Variants in GLG1 observed in about 807,000 individuals in gnomAD.
GLG1 encodes golgi glycoprotein 1.
In GLG1, 38 loss-of-function variants were observed where a neutral mutation model predicts 160.5. The ratio of observed to expected loss-of-function variants is 0.24; its 90% CI spans 0.18 to 0.31. The LOEUF (loss-of-function observed/expected upper bound fraction) is 0.31, where lower values mean the gene tolerates loss of function less well. GLG1 is among the 10% of genes least tolerant of loss of function. GLG1 has a pLI of 1.00. For missense variants in GLG1, 1,373 were observed against 1,505.2 expected (o/e 0.91, Z 1.45); for synonymous variants, 644 against 543.4 (o/e 1.19, Z -2.57).
At chr16:74,548,610 C>T (rs201429498) in intron 1 of GLG1, among the ~76,000 whole-genome samples, 1,600 of 148,680 alleles carry the variant, frequency 0.011, 5 homozygotes, top group Admixed American at 0.036. Context: ...CAACTTCCTT[C>T]GTGGACAATT....
At chr16:74,545,402 C>T (rs1238486906) in intron 1 of GLG1, among the ~76,000 whole-genome samples, 1 of 152,006 alleles carries the variant, frequency 6.6e-6, no homozygotes, top group African/African-American at 2.4e-5. Context: ...GCTGGTCTCG[C>T]ACTCCTAGGC....
In GLG1 at chr16:74,448,705, T is replaced by C. The variant is rs2014166542; in HGVS notation, c.*4462A>G. ...AGGCAGAAGTTGCAGTGAGCCGAGATTGCGCCACTGCACTCCAGCCTGGGC... is the reference window on the plus strand; with the variant it reads ...AGGCAGAAGTTGCAGTGAGCCGAGACTGCGCCACTGCACTCCAGCCTGGGC... On this transcript the variant is annotated 3_prime_UTR_variant, in exon 26 of 26. Transcript: ENST00000422840. 6.8e-6 allele frequency: 1 copy of C among 146,774 alleles called. No individual in the cohort carries two copies. The allele number at this position is 146,774 out of a possible 1,614,324, so 9.1% of individuals were successfully genotyped here.
At chr16:74,463,566 G>T in intron 19 of GLG1, 87 bp from the exon 20 acceptor site, 1 of 1,307,590 alleles carries the variant, frequency 7.6e-7, no homozygotes, top group Non-Finnish European at 1.1e-6. Flanking sequence ...TGGAGACGGA[G>T]TCTCACCGTG....
intron 8 of GLG1, among the ~76,000 whole-genome samples, chr16:74,488,473 TA>T (rs911270495): frequency 1.3e-5 from 2 of 152,168 alleles, no homozygotes; most frequent in African/African-American, 4.8e-5. Context: ...GCTACTGTAG[TA>T]GAACACTAAG....
intron 7 of GLG1, 117 bp from the exon 8 acceptor site, chr16:74,491,332 TGCTAA>T: frequency 1.3e-6 from 1 of 751,224 alleles, no homozygotes; most frequent in African/African-American, 1.7e-5. Flanking sequence ...CTATCAGACA[TGCTAA>T]CATCTGAAAA....
chr16:74,579,544 A>C (rs1957892277), intron 1 of GLG1, among the ~76,000 whole-genome samples: 1 of 151,494 alleles, frequency 6.6e-6, no homozygotes, highest in African/African-American at 2.4e-5. Flanking sequence ...CAACATGGCA[A>C]AACCCCATCA....
At chr16:74,503,393 T>C in intron 4 of GLG1, 138 bp downstream of exon 4, 2 of 661,752 alleles carry the variant, frequency 3.0e-6, no homozygotes, top group Non-Finnish European at 5.4e-6. Flanking sequence ...CCTTAGCTCT[T>C]AGGGCTGTCT....
chr16:74,495,169 A>G (rs907429509), intron 5 of GLG1, among the ~76,000 whole-genome samples: 3 of 141,182 alleles, frequency 2.1e-5, no homozygotes, highest in African/African-American at 5.3e-5. Context: ...GCTGGAGTGC[A>G]GTGGCACAAT....
intron 1 of GLG1, among the ~76,000 whole-genome samples, chr16:74,604,748 T>C (rs1386260668): frequency 6.6e-6 from 1 of 152,134 alleles, no homozygotes; most frequent in Non-Finnish European, 1.5e-5. Flanking sequence ...CCTTTCGCTG[T>C]CTTTAAAGAA....
intron 20 of GLG1, chr16:74,462,842 T>C: frequency 1.7e-6 from 1 of 575,632 alleles, no homozygotes; most frequent in Non-Finnish European, 3.1e-6. Context: ...TCCTCAGGAA[T>C]CTTTCTACTC....
chr16:74,470,209 A>C (rs2015147041), intron 15 of GLG1, 136 bp from the exon 16 acceptor site: 1 of 663,034 alleles, frequency 1.5e-6, no homozygotes, highest in Non-Finnish European at 2.7e-6. Flanking sequence ...GTGAGACATC[A>C]CGACCTGCTC....
intron 25 of GLG1, among the ~76,000 whole-genome samples, chr16:74,454,113 T>C (rs1339756542): frequency 6.6e-6 from 1 of 151,992 alleles, no homozygotes; most frequent in Admixed American, 6.5e-5. Flanking sequence ...GACCTCGTGA[T>C]CCGCCCACCT....
chr16:74,554,655 G>C (rs2018303510), intron 1 of GLG1, among the ~76,000 whole-genome samples: 1 of 152,198 alleles, frequency 6.6e-6, no homozygotes, highest in South Asian at 2.1e-4. Context: ...AAAATGAACA[G>C]CCAAGAAAAG....
At chr16:74,550,040 T>C (rs2018155804) in intron 1 of GLG1, among the ~76,000 whole-genome samples, 1 of 152,232 alleles carries the variant, frequency 6.6e-6, no homozygotes, top group Non-Finnish European at 1.5e-5. Context: ...CTGCTTGAGC[T>C]GGGGAAAGTT....
chr16:74,467,714 T>G, intron 18 of GLG1, 42 bp downstream of exon 18: 1 of 1,227,958 alleles, frequency 8.1e-7, no homozygotes, highest in Non-Finnish European at 1.2e-6. Context: ...AATATTACCT[T>G]CACATTACTT....
At position 74,447,699 on chromosome 16, in the gene GLG1, G is replaced by A. The variant is rs2014122033; in HGVS notation, c.*5468C>T. The A allele has an allele frequency of 6.6e-6, 1 of 152,266 alleles. No homozygotes were observed. The highest frequency in any genetic ancestry group is 2.4e-5 in the African/African-American group (1 of 41,474). 9.4% of individuals were successfully genotyped at this position (152,266 alleles called of 1,614,324 possible). On this transcript the variant is annotated 3_prime_UTR_variant, in exon 26 of 26. Transcript: ENST00000422840. ...GATCTCACACAGCATTTGCTGTACA[G>A]ACTGTTTTCCGGATGGACTGGTTTG...
At chr16:74,597,628 C>A (rs151222429) in intron 1 of GLG1, among the ~76,000 whole-genome samples, 1 of 151,718 alleles carries the variant, frequency 6.6e-6, no homozygotes, top group Non-Finnish European at 1.5e-5. Context: ...CCGAAGCTGG[C>A]GGATAACGAG....
chr16:74,488,362 C>T (rs1205554032), intron 8 of GLG1, among the ~76,000 whole-genome samples: 4 of 152,004 alleles, frequency 2.6e-5, no homozygotes, highest in Admixed American at 6.6e-5. Flanking sequence ...GGCAACACGG[C>T]GAGACCCCAT....
intron 7 of GLG1, 59 bp downstream of exon 7, chr16:74,492,898 T>C (rs2016053377): frequency 3.8e-6 from 4 of 1,043,418 alleles, no homozygotes; most frequent in Non-Finnish European, 4.1e-6. Context: ...TATAAAGCTT[T>C]AGAGTGTGAA....
Sources: allele counts gnomAD v4.1 joint callset (sites outside exome capture counted in the v4.1 genomes callset), GRCh38; gene constraint gnomAD v4.1.1; transcripts MANE v1.5; gene names NCBI Gene and HGNC (gene_info 2026-07-23, HGNC 2026-07-21).